DNAI7: variants seen among roughly 807,000 people sequenced by gnomAD.
The protein encoded by DNAI7 is cancer susceptibility 1.
In DNAI7, 78 loss-of-function variants were observed where a neutral mutation model predicts 86.6. The ratio of observed to expected loss-of-function variants is 0.90; its 90% CI spans 0.75 to 1.09. The LOEUF (loss-of-function observed/expected upper bound fraction) is 1.09. DNAI7 is among the 50% of genes least tolerant of loss of function. The pLI is 0.00. For missense variants in DNAI7, 753 were observed against 810.2 expected, an observed-to-expected ratio of 0.93 and a Z score of 0.86; for synonymous variants, 274 against 273.0, an observed-to-expected ratio of 1.00 and a Z score of -0.04.
chr12:25,112,398 G>GTTT (rs1939037709), intron 13 of DNAI7, among the ~76,000 whole-genome samples: 2 of 82,628 alleles, frequency 2.4e-5, no homozygotes, highest in African/African-American at 7.7e-5. Flanking sequence ...ATTCACATCT[G>GTTT]GTTTTTTTTT....
chr12:25,133,411 C>T (rs188469148), intron 9 of DNAI7, among the ~76,000 whole-genome samples: 1 of 152,052 alleles, frequency 6.6e-6, no homozygotes, highest in East Asian at 1.9e-4. Flanking sequence ...ATTTTTGCTC[C>T]CTGCAGTCTA....
chr12:25,152,416 C>T (rs7132146), intron 6 of DNAI7, among the ~76,000 whole-genome samples: 104,176 of 152,150 alleles, frequency 0.68, 39,698 homozygotes, highest in East Asian at 0.99. Flanking sequence ...ACTCAAACAA[C>T]GAGGTTCAGA....
At chr12:25,150,280 C>A (rs1592438431) in intron 6 of DNAI7, among the ~76,000 whole-genome samples, 1 of 152,142 alleles carries the variant, frequency 6.6e-6, no homozygotes, top group African/African-American at 2.4e-5. Context: ...TGGCAAACAC[C>A]TTAACCATGT....
intron 9 of DNAI7, among the ~76,000 whole-genome samples, chr12:25,130,819 C>T (rs1314474743): frequency 6.6e-6 from 1 of 151,918 alleles, no homozygotes; most frequent in Non-Finnish European, 1.5e-5. Flanking sequence ...GACAGTATTA[C>T]CCAATACCTA....
chr12:25,185,336 TC>T (rs781585448), intron 2 of DNAI7, among the ~76,000 whole-genome samples: 12 of 152,154 alleles, frequency 7.9e-5, no homozygotes, highest in Non-Finnish European at 1.6e-4. Context: ...GAAATGGCAG[TC>T]CCAAAAATCT....
At chr12:25,107,264 GTTATA>G (rs777605366), downstream of DNAI7, among the ~76,000 whole-genome samples, 2 of 152,030 alleles carry the variant, frequency 1.3e-5, no homozygotes, top group African/African-American at 2.4e-5. Flanking sequence ...TGTAATATAT[GTTATA>G]TTCTATTTTA....
intron 2 of DNAI7, among the ~76,000 whole-genome samples, chr12:25,164,260 A>C (rs1438346019): frequency 2.2e-5 from 3 of 133,372 alleles, no homozygotes; most frequent in Non-Finnish European, 3.2e-5. Context: ...AGCAAGTACC[A>C]CTTTTCTAGA....
Position 25,144,484 on chromosome 12 carries a change from C to A in DNAI7, c.883G>T (p.Glu295Ter). 1 of 1,614,046 alleles carries A rather than the reference C, an allele frequency of 6.2e-7. No homozygotes were observed. The highest frequency in any genetic ancestry group is 8.5e-7 in the Non-Finnish European group (1 of 1,179,990). ...ELVKDDVKNV[E>*]KAISKEVEEE... ...TCGACCTCCTTGCTGATTGCTTTTT[C>A]TACATTCTTAACATCATCTTTGACA... Residue 295 changes from glutamate to a stop codon, truncating the protein, a stop_gained, in exon 9 of 16, where the codon GAA becomes TAA. Coordinates refer to ENST00000395987, the MANE Select transcript of DNAI7 (RefSeq NM_018272.5). LOFTEE classifies it high-confidence loss of function.
downstream of DNAI7, chr12:25,107,120 T>A: frequency 1.4e-6 from 1 of 732,340 alleles, no homozygotes; most frequent in Non-Finnish European, 2.2e-6. Flanking sequence ...GCTGACAGTA[T>A]TAATCCTAAT....
intron 2 of DNAI7, among the ~76,000 whole-genome samples, chr12:25,172,546 C>A (rs1948255554): frequency 6.6e-6 from 1 of 152,074 alleles, no homozygotes. Context: ...TCTACAAATT[C>A]AATACAATCC....
chr12:25,137,747 T>C (rs771315839), intron 9 of DNAI7, among the ~76,000 whole-genome samples: 3 of 152,106 alleles, frequency 2.0e-5, no homozygotes, highest in Non-Finnish European at 2.9e-5. Context: ...TAGCTATTCT[T>C]ATATCAGATA....
At chr12:25,184,393 AC>A (rs767233751) in intron 2 of DNAI7, among the ~76,000 whole-genome samples, 9 of 142,026 alleles carry the variant, frequency 6.3e-5, no homozygotes, top group Non-Finnish European at 1.3e-4. Context: ...GTCTTTTGTG[AC>A]TGGCTTCTTC....
At chr12:25,173,893 T>TGGA (rs1948430850) in intron 2 of DNAI7, among the ~76,000 whole-genome samples, 1 of 93,252 alleles carries the variant, frequency 1.1e-5, no homozygotes, top group Admixed American at 1.2e-4. Flanking sequence ...ATCATTCATA[T>TGGA]ATATACCACA....
In DNAI7 at chr12:25,149,708, T is replaced by C. The variant is rs1195270994; in HGVS notation, c.505A>G (p.Ile169Val). ...PPCDLQDKNI[I>V]QYQESILQLQ... ...TGTAGTATTGATTCTTGGTACTGTA[T>C]TATATTTTTATCTTGCAAATCACAT... The change falls in exon 7 of 16, where the codon ATA becomes GTA. Residue 169 changes from isoleucine (I) to valine (V), a missense_variant. Transcript: ENST00000395987. 6.3e-7 allele frequency: 1 copy of C among 1,578,228 alleles called. No individual in the cohort carries two copies. The highest frequency in any genetic ancestry group is 8.7e-7 in the Non-Finnish European group (1 of 1,149,004).
chr12:25,161,832 A>G (rs1946866963), intron 2 of DNAI7, among the ~76,000 whole-genome samples: 1 of 152,128 alleles, frequency 6.6e-6, no homozygotes, highest in African/African-American at 2.4e-5. Context: ...GAGGTGGTGA[A>G]GAAAATGAGA....
At chr12:25,194,892 G>C (rs1301391191) in intron 1 of DNAI7, 184 bp downstream of exon 1, 4 of 1,613,956 alleles carry the variant, frequency 2.5e-6, no homozygotes, top group Non-Finnish European at 3.4e-6. Flanking sequence ...CTACCTGTCC[G>C]CCTGGTCCAG....
At chr12:25,137,631 C>T (rs983151657) in intron 9 of DNAI7, among the ~76,000 whole-genome samples, 3 of 152,020 alleles carry the variant, frequency 2.0e-5, no homozygotes, top group African/African-American at 4.8e-5. Flanking sequence ...CAACCAAGAA[C>T]CTGTTGTCTC....
chr12:25,174,698 GATATCATACATATGGAATATAT>G (rs1555181866), intron 2 of DNAI7, among the ~76,000 whole-genome samples: 1 of 79,386 alleles, frequency 1.3e-5, no homozygotes, highest in Non-Finnish European at 2.4e-5. Flanking sequence ...ATGGAATATA[GATATCATACATATGGAATATAT>G]ATATCATATA....
At chr12:25,151,318 A>G (rs899874433) in intron 6 of DNAI7, among the ~76,000 whole-genome samples, 4 of 152,178 alleles carry the variant, frequency 2.6e-5, no homozygotes, top group African/African-American at 9.7e-5. Flanking sequence ...TAAGCACTAT[A>G]TAAGAGTTTA....
Sources: gnomAD v4.1 joint callset for allele counts (sites outside exome capture counted in the v4.1 genomes callset) on GRCh38, gnomAD v4.1.1 for gene constraint, MANE v1.5 for transcripts, NCBI Gene and HGNC (gene_info 2026-07-23, HGNC 2026-07-21) for gene names.